The following TBC1D9B variants were observed in gnomAD, a reference collection of about 807,000 sequenced individuals.
TBC1D9B encodes the protein TBC1 domain family, member 9B (with GRAM domain).
TBC1D9B carries 87 observed loss-of-function variants against 121.1 expected under a neutral mutation model. The observed-to-expected ratio is 0.72, with a 90% CI of 0.60 to 0.86. TBC1D9B has a LOEUF of 0.86. Among genes scored for constraint, TBC1D9B ranks in the 40% least tolerant of loss-of-function variants. The pLI, the probability that TBC1D9B is intolerant of heterozygous loss-of-function variation, is 0.00. For synonymous variants in TBC1D9B, 668 were observed against 670.1 expected (o/e 1.00, Z 0.05); for missense variants, 1,540 against 1,628.6 (o/e 0.95, Z 0.94).
At chr5:179,877,019 C>A (rs988047271) in intron 10 of TBC1D9B, among the ~76,000 whole-genome samples, 2 of 139,414 alleles carry the variant, frequency 1.4e-5, no homozygotes, top group African/African-American at 5.6e-5. Context: ...TGCAGTGAGC[C>A]ATGATCATGC....
intron 7 of TBC1D9B, chr5:179,887,754 T>C (rs1192947348): frequency 9.4e-6 from 3 of 319,816 alleles, no homozygotes; most frequent in Non-Finnish European, 1.7e-5. Flanking sequence ...CCTGAACGCC[T>C]GGCAGGGAAG....
chr5:179,891,563 T>G lies in TBC1D9B; in HGVS notation c.860A>C (p.Asn287Thr). The G allele has an allele frequency of 6.2e-7, 1 of 1,613,510 alleles. No homozygotes were observed. Among genetic ancestry groups the G allele is most frequent in the Non-Finnish European group, 8.5e-7 (1 of 1,179,942 alleles). ...CCGGAACGTGGCTCGGTAGCACTCA[T>G]TCTTGGCTCGGGCGTCCAGGTCTCT... The part of the protein sequence containing the change: ...LKRDLDARAK[N>T]ECYRATFRLP... Residue 287 changes from asparagine to threonine, a missense_variant, in exon 6 of 21, where the codon AAT becomes ACT. Asn to Thr is a moderately conservative substitution (Grantham distance 65). Coordinates refer to ENST00000355235, the MANE Select transcript of TBC1D9B (RefSeq NM_015043.4). The surrounding 1 kb of genome is among the most constrained non-coding windows in gnomAD (Gnocchi z 4.3).
At position 179,888,244 on chromosome 5, in the gene TBC1D9B, G is replaced by C; in HGVS notation, c.1113C>G (p.Ser371Arg). The C allele has an allele frequency of 6.2e-7, 1 of 1,611,582 alleles. No individual in the cohort carries two copies. Among genetic ancestry groups the C allele is most frequent in the Non-Finnish European group, 8.5e-7 (1 of 1,179,238 alleles). Residue 371 changes from serine to arginine, a missense_variant, in exon 7 of 21, where the codon AGC becomes AGG. Physicochemically the swap from Ser to Arg is moderately radical, Grantham distance 110. Coordinates refer to ENST00000355235, the MANE Select transcript of TBC1D9B (RefSeq NM_015043.4). The part of the protein sequence containing the change: ...LPSPLSISTK[S>R]KMTFLFANLK... The stretch of plus-strand genomic sequence containing the variant: ...GGTTGGCAAACAGGAATGTCATTTT[G>C]CTTTTGGTGCTGATGGACAGGGGGC...
chr5:179,863,453 C>T lies in TBC1D9B; in HGVS notation c.3697G>A (p.Gly1233Ser), dbSNP rs201359120. The T allele has an allele frequency of 8.1e-5, 130 of 1,612,642 alleles. No homozygotes were observed. The highest frequency in any genetic ancestry group is 6.6e-4 in the Middle Eastern group (4 of 6,020). ...ASDHEQPGVS[G>S] is the part of the protein sequence containing the mutation. ...AGGCCTCACAGCTGCAGGCATCAGC[C>T]GGAAACTCCAGGCTGCTCATGGTCA... Residue 1233 changes from glycine (G) to serine (S), a missense_variant, in exon 21 of 21, where the codon GGC becomes AGC. Coordinates refer to ENST00000355235, the MANE Select transcript of TBC1D9B (RefSeq NM_015043.4). This position sits in a 1 kb window ranked among gnomAD's most constrained non-coding sequence, Gnocchi z 4.5.
At chr5:179,905,518 G>A (rs1041619509) in intron 1 of TBC1D9B, among the ~76,000 whole-genome samples, 1 of 152,192 alleles carries the variant, frequency 6.6e-6, no homozygotes, top group Non-Finnish European at 1.5e-5. Context: ...TTTCTGAACT[G>A]AAACATTTGA....
chr5:179,863,502 C>A lies in TBC1D9B; in HGVS notation c.3648G>T (p.Val1216=). Reference sequence around the variant, plus strand: ...CACTGGCGGTGCTGAACTGTCTCTCCACTTTCTTTTGGTCCTTGATCTTGA... The same window carrying A: ...CACTGGCGGTGCTGAACTGTCTCTCAACTTTCTTTTGGTCCTTGATCTTGA... ...IGLKIKDQKK[V]ERQFSTASDH... is the part of the protein sequence containing the mutation. The change falls in exon 21 of 21, where the codon GTG becomes GTT. Residue 1216 remains valine (V), a synonymous_variant. Transcript: ENST00000355235. This position sits in a 1 kb window ranked among gnomAD's most constrained non-coding sequence, Gnocchi z 4.5. The A allele has an allele frequency of 6.2e-7, 1 of 1,614,218 alleles. No homozygotes were observed. Among genetic ancestry groups the A allele is most frequent in the African/African-American group, 1.3e-5 (1 of 75,058 alleles).
At chr5:179,884,749 A>C (rs1309062720) in intron 7 of TBC1D9B, among the ~76,000 whole-genome samples, 2 of 152,250 alleles carry the variant, frequency 1.3e-5, no homozygotes, top group Non-Finnish European at 2.9e-5. Flanking sequence ...GAAATAAGCC[A>C]GGCACAAAAG....
chr5:179,893,691 C>A (rs747517885), intron 4 of TBC1D9B, among the ~76,000 whole-genome samples: 1 of 152,148 alleles, frequency 6.6e-6, no homozygotes, highest in Admixed American at 6.5e-5. Context: ...GTGTCTCCCC[C>A]ACCAGTGGCT....
chr5:179,906,304 G>A (rs1463948787), intron 1 of TBC1D9B, among the ~76,000 whole-genome samples: 1 of 152,138 alleles, frequency 6.6e-6, no homozygotes, highest in Admixed American at 6.5e-5. Flanking sequence ...GTTCAAAGAA[G>A]GGTTCCCTTG....
intron 20 of TBC1D9B, among the ~76,000 whole-genome samples, chr5:179,864,885 G>A (rs79505997): frequency 0.011 from 1,704 of 152,356 alleles, 35 homozygotes; most frequent in African/African-American, 0.04. Context: ...TCTGATCTGC[G>A]AGACCAGTGA....
rs1169267913 is a variant in TBC1D9B, at chr5:179,894,398, G to A, written c.565C>T (p.Leu189=). The part of the protein sequence containing the change: ...VNHLCFYSFL[L]GKEVSLVVQW... ...GGGGCGGGCTCACCTTCCTTCCCCA[G>A]CAGGAAGGAGTAGAAGCACAGGTGG... The change falls in exon 4 of 21, where the codon CTG becomes TTG. Residue 189 remains leucine (L), a synonymous_variant. Transcript: ENST00000355235. 6.2e-7 allele frequency: 1 copy of A among 1,612,850 alleles called. No homozygotes were observed. Among genetic ancestry groups the A allele is most frequent in the Non-Finnish European group, 8.5e-7 (1 of 1,179,362 alleles).
intron 3 of TBC1D9B, among the ~76,000 whole-genome samples, chr5:179,898,156 T>TTA (rs2113645811): frequency 6.6e-6 from 1 of 150,998 alleles, no homozygotes; most frequent in East Asian, 2.0e-4. Context: ...TCTCTACTTT[T>TTA]TTTTTTTTTT....
At position 179,888,097 on chromosome 5, in the gene TBC1D9B, T is replaced by C; in HGVS notation, c.1254+6A>G. 1 of 1,613,336 alleles carries C rather than the reference T, an allele frequency of 6.2e-7. No individual in the cohort carries two copies. The highest frequency in any genetic ancestry group is 8.5e-7 in the Non-Finnish European group (1 of 1,179,940). The stretch of plus-strand genomic sequence containing the variant: ...TCGACCCTGCTGCTCCCAAGGGGCT[T>C]CTCACCTCTGTGCTAGGGTCCACAA... On this transcript the variant is annotated splice_donor_region_variant and intron_variant, in intron 7 of 20. Transcript: ENST00000355235.
intron 7 of TBC1D9B, among the ~76,000 whole-genome samples, chr5:179,881,154 T>C (rs1760531906): frequency 6.6e-6 from 1 of 152,208 alleles, no homozygotes; most frequent in Non-Finnish European, 1.5e-5. Context: ...ACCAGGCGGC[T>C]TTCGGCAGAA....
intron 7 of TBC1D9B, chr5:179,887,775 C>T (rs1289614745): frequency 8.4e-6 from 3 of 355,974 alleles, no homozygotes; most frequent in East Asian, 6.9e-5. Context: ...GTCATGGGAA[C>T]AAAGCCGAAG....
chr5:179,863,328 G>A lies in TBC1D9B; in HGVS notation c.*120C>T. On this transcript the variant is annotated 3_prime_UTR_variant, in exon 21 of 21. Transcript: ENST00000355235. This position sits in a 1 kb window ranked among gnomAD's most constrained non-coding sequence, Gnocchi z 4.5. ...GCCTTCTTTCCACTCACAACTCACT[G>A]CTCCTGGGAGAGCAGGAGGGGCACA... is the stretch of plus-strand genomic sequence containing the variant. The A allele has an allele frequency of 8.5e-7, 1 of 1,177,226 alleles. No homozygotes were observed. The allele number at this position is 1,177,226 out of a possible 1,614,324, so 72.9% of individuals were successfully genotyped here.
chr5:179,880,813 A>G (rs1469572842), intron 7 of TBC1D9B, among the ~76,000 whole-genome samples: 1 of 151,742 alleles, frequency 6.6e-6, no homozygotes, highest in Non-Finnish European at 1.5e-5. Flanking sequence ...GATGTTAGAA[A>G]TGGATTTTGG....
intron 17 of TBC1D9B, 100 bp downstream of exon 17, chr5:179,869,669 C>T (rs1233558148): frequency 2.3e-6 from 3 of 1,315,172 alleles, no homozygotes; most frequent in South Asian, 2.5e-5. Context: ...CGCTGCTGTG[C>T]CCCCTCGAGG....
intron 7 of TBC1D9B, among the ~76,000 whole-genome samples, chr5:179,882,947 C>T (rs1350281971): frequency 1.3e-5 from 2 of 152,210 alleles, no homozygotes; most frequent in African/African-American, 4.8e-5. Flanking sequence ...CTTCTCCCAC[C>T]TCCTGGGTTC....
Sources: gnomAD v4.1 joint callset for allele counts (sites outside exome capture counted in the v4.1 genomes callset) on GRCh38, gnomAD v4.1.1 for gene constraint, Gnocchi (gnomAD v3.1) non-coding constraint, MANE v1.5 for transcripts, NCBI Gene and HGNC (gene_info 2026-07-23, HGNC 2026-07-21) for gene names.